Variants in FLACC1 observed in about 807,000 individuals in gnomAD.
FLACC1 encodes flagellum associated containing coiled-coil domains 1.
FLACC1 carries 66 observed loss-of-function variants against 62.8 expected under a neutral mutation model. The ratio of observed to expected loss-of-function variants is 1.05; its 90% CI spans 0.86 to 1.29. The LOEUF is 1.29. Among genes scored for constraint, FLACC1 ranks in the 50% most tolerant of loss-of-function variants. FLACC1 has a pLI of 0.00. For synonymous variants in FLACC1, 156 were observed against 161.0 expected (o/e 0.97, Z 0.24); for missense variants, 452 against 489.1 (o/e 0.92, Z 0.71).
At chr2:201,353,119 T>TG (rs1349818529) in intron 1 of FLACC1, among the ~76,000 whole-genome samples, 1 of 152,180 alleles carries the variant, frequency 6.6e-6, no homozygotes, top group Non-Finnish European at 1.5e-5. Flanking sequence ...CCAGAGCATT[T>TG]GGGAGTGTGG....
chr2:201,353,724 C>T (rs1951070683), intron 1 of FLACC1, among the ~76,000 whole-genome samples: 1 of 152,018 alleles, frequency 6.6e-6, no homozygotes, highest in Non-Finnish European at 1.5e-5. Context: ...TAGGTGTAGG[C>T]CTCCAGCCTC....
intron 11 of FLACC1, among the ~76,000 whole-genome samples, chr2:201,300,209 C>G (rs555141798): frequency 3.9e-5 from 6 of 152,316 alleles, no homozygotes; most frequent in Admixed American, 2.6e-4. Flanking sequence ...CCTGGAAAAT[C>G]GGGTCACTCC....
chr2:201,349,782 G>A (rs6715380), intron 3 of FLACC1, among the ~76,000 whole-genome samples: 13,487 of 152,212 alleles, frequency 0.089, 729 homozygotes, highest in African/African-American at 0.14. Flanking sequence ...CTAAATGCAC[G>A]GGAGGGTCGC....
intron 9 of FLACC1, among the ~76,000 whole-genome samples, chr2:201,319,004 C>T (rs1039223701): frequency 3.3e-5 from 5 of 151,970 alleles, no homozygotes; most frequent in South Asian, 2.1e-4. Context: ...GTATACTGCT[C>T]GGGTGATGGG....
chr2:201,290,356 A>C (rs571972039), intron 12 of FLACC1, among the ~76,000 whole-genome samples: 7 of 151,542 alleles, frequency 4.6e-5, no homozygotes, highest in Non-Finnish European at 8.8e-5. Flanking sequence ...CAAGATACTA[A>C]TAATAAAGGA....
intron 7 of FLACC1, among the ~76,000 whole-genome samples, chr2:201,341,558 G>A (rs1950810734): frequency 1.3e-5 from 2 of 150,392 alleles, no homozygotes; most frequent in South Asian, 4.2e-4. Flanking sequence ...TACACAAATG[G>A]TTATAATAGT....
At chr2:201,323,784 CAAAAA>C (rs71022362) in intron 9 of FLACC1, among the ~76,000 whole-genome samples, 7 of 52,768 alleles carry the variant, frequency 1.3e-4, no homozygotes, top group African/African-American at 3.1e-4. Flanking sequence ...CAGACTCTAT[CAAAAA>C]AAAAAAAAAA....
chr2:201,346,637 C>A lies in FLACC1; in HGVS notation c.273G>T (p.Arg91=). ...AGGTGACAGAAATCTGTTCCCGATT[C>A]CGAACAAGTTGATAGCCAGGTGACA... ...INVSPGYQLV[R]NREQISVTLG... is the part of the protein sequence containing the mutation. Residue 91 remains arginine, a synonymous_variant, in exon 5 of 15, where the codon CGG becomes CGT. Coordinates refer to ENST00000392257, the MANE Select transcript of FLACC1 (RefSeq NM_001127391.3). This position sits in a 1 kb window ranked among gnomAD's most constrained non-coding sequence, Gnocchi z 4.0. The A allele has an allele frequency of 6.2e-7, 1 of 1,614,222 alleles. No homozygotes were observed. Among genetic ancestry groups the A allele is most frequent in the Non-Finnish European group, 8.5e-7 (1 of 1,180,046 alleles).
chr2:201,355,072 G>A (rs12612950), intron 1 of FLACC1, among the ~76,000 whole-genome samples: 9,237 of 152,196 alleles, frequency 0.061, 586 homozygotes, highest in East Asian at 0.25. Context: ...ATCACTTGAC[G>A]CCAGGAGTTC....
intron 12 of FLACC1, among the ~76,000 whole-genome samples, chr2:201,296,257 C>A (rs1041511892): frequency 4.6e-5 from 7 of 152,148 alleles, no homozygotes; most frequent in South Asian, 2.1e-4. Context: ...GACTTGGAAC[C>A]AACCCAAATG....
intron 9 of FLACC1, among the ~76,000 whole-genome samples, chr2:201,310,127 T>C (rs1338038661): frequency 6.6e-6 from 1 of 152,070 alleles, no homozygotes; most frequent in African/African-American, 2.4e-5. Context: ...GCCCTGGACC[T>C]GGATGACACT....
intron 9 of FLACC1, among the ~76,000 whole-genome samples, chr2:201,324,584 T>C (rs1423851426): frequency 6.6e-6 from 1 of 152,214 alleles, no homozygotes; most frequent in Non-Finnish European, 1.5e-5. Flanking sequence ...TAGAACAGTC[T>C]CTAAGATAGG....
chr2:201,292,676 T>C (rs959568017), intron 12 of FLACC1, among the ~76,000 whole-genome samples: 5 of 152,116 alleles, frequency 3.3e-5, no homozygotes, highest in African/African-American at 1.2e-4. Context: ...CACATAACAA[T>C]ATTAACCTTA....
chr2:201,289,173 G>A (rs1425607725), intron 14 of FLACC1, among the ~76,000 whole-genome samples: 1 of 152,126 alleles, frequency 6.6e-6, no homozygotes, highest in African/African-American at 2.4e-5. Context: ...CTCAGTCATA[G>A]AACTGAGCAA....
chr2:201,330,774 G>A lies in FLACC1; in HGVS notation c.584C>T (p.Ala195Val), dbSNP rs201138207. 5.6e-6 allele frequency: 9 copies of A among 1,613,890 alleles called. No individual in the cohort carries two copies. In the African/African-American group the frequency reaches 9.3e-5, roughly 17 times the overall value. ...GGCAGCCAACTTCTCTGCCTTCAAG[G>A]CTGCTTTGTAGTTGTTCTCCAACTC... ...LSELENNYKA[A>V]LKAEKLAAQE... is the part of the protein sequence containing the mutation. The change falls in exon 8 of 15, where the codon GCC becomes GTC. Residue 195 changes from alanine to valine, a missense_variant. By Grantham distance (64) the Ala-to-Val change is moderately conservative. Coordinates refer to ENST00000392257, the MANE Select transcript of FLACC1 (RefSeq NM_001127391.3).
intron 1 of FLACC1, among the ~76,000 whole-genome samples, chr2:201,356,146 G>A (rs1408341030): frequency 1.3e-5 from 2 of 152,134 alleles, no homozygotes; most frequent in East Asian, 1.9e-4. Context: ...CAATCAATAT[G>A]ACAGTATTTT....
intron 14 of FLACC1, 73 bp downstream of exon 14, chr2:201,289,384 A>G: frequency 1.4e-6 from 2 of 1,423,366 alleles, no homozygotes; most frequent in South Asian, 2.4e-5. Context: ...TATCTTCCTA[A>G]CCCATTCCTC....
chr2:201,342,685 CACTG>C (rs1360785919), intron 6 of FLACC1, among the ~76,000 whole-genome samples: 19 of 152,348 alleles, frequency 1.2e-4, no homozygotes, highest in African/African-American at 3.8e-4. Context: ...GCATCTCTTT[CACTG>C]ACTATTTTTT....
intron 9 of FLACC1, among the ~76,000 whole-genome samples, chr2:201,313,585 C>A (rs1331357144): frequency 6.6e-6 from 1 of 152,154 alleles, no homozygotes; most frequent in Admixed American, 6.5e-5. Flanking sequence ...TGAGCTCAGA[C>A]ACGCCTAGCC....
Sources: allele counts gnomAD v4.1 joint callset (sites outside exome capture counted in the v4.1 genomes callset), GRCh38; gene constraint gnomAD v4.1.1; non-coding constraint Gnocchi (gnomAD v3.1); transcripts MANE v1.5; gene names NCBI Gene and HGNC (gene_info 2026-07-23, HGNC 2026-07-21).